The following UGT1A7 variants were observed in gnomAD, a reference collection of about 807,000 sequenced individuals.
UGT1A7 encodes the protein UDP-glucuronosyltransferase 1A7.
In UGT1A7, 33 loss-of-function variants were observed where a neutral mutation model predicts 45.6. That is an observed-to-expected ratio of 0.72 (90% CI 0.55 to 0.97). The LOEUF (loss-of-function observed/expected upper bound fraction) is 0.97, where lower values mean the gene tolerates loss of function less well. UGT1A7 is among the 50% of genes least tolerant of loss of function. UGT1A7 has a pLI of 0.00. For synonymous variants in UGT1A7, 274 were observed against 250.6 expected, an observed-to-expected ratio of 1.09 and a Z score of -0.88; for missense variants, 684 against 666.2, an observed-to-expected ratio of 1.03 and a Z score of -0.29.
chr2:233,743,059 A>T (rs1424842143), intron 1 of UGT1A7: 1 of 324,044 alleles, frequency 3.1e-6, no homozygotes, highest in Non-Finnish European at 6.0e-6. Context: ...CCCAACGATA[A>T]GAACAGGTGT....
intron 1 of UGT1A7, chr2:233,718,892 C>A (rs775726544): frequency 6.2e-7 from 1 of 1,613,902 alleles, no homozygotes; most frequent in African/African-American, 1.3e-5. Flanking sequence ...GTGTCCAGCC[C>A]TGGGCTGAGA....
At chr2:233,714,940 G>A (rs1254793883) in intron 1 of UGT1A7, among the ~76,000 whole-genome samples, 1 of 152,148 alleles carries the variant, frequency 6.6e-6, no homozygotes, top group Admixed American at 6.5e-5. Flanking sequence ...GCAGTGGTGG[G>A]ATCTTGGCTC....
chr2:233,750,847 G>C (rs534611009), intron 1 of UGT1A7: 1 of 152,014 alleles, frequency 6.6e-6, no homozygotes, highest in African/African-American at 2.4e-5. Flanking sequence ...GGAAATGCTT[G>C]GATGTCCAGG....
At chr2:233,722,242 C>G (rs1184629735) in intron 1 of UGT1A7, among the ~76,000 whole-genome samples, 1 of 152,204 alleles carries the variant, frequency 6.6e-6, no homozygotes, top group Non-Finnish European at 1.5e-5. Context: ...CATGTATTAT[C>G]TGTGACAGAC....
At chr2:233,721,350 A>C (rs2076940105) in intron 1 of UGT1A7, among the ~76,000 whole-genome samples, 1 of 152,142 alleles carries the variant, frequency 6.6e-6, no homozygotes, top group Non-Finnish European at 1.5e-5. Context: ...TATATTCTTT[A>C]GACTGAACTG....
chr2:233,727,417 C>T (rs2077614364), intron 1 of UGT1A7, among the ~76,000 whole-genome samples: 1 of 152,144 alleles, frequency 6.6e-6, no homozygotes, highest in Non-Finnish European at 1.5e-5. Flanking sequence ...TCCTCAGGGT[C>T]TGGGAGTCCC....
rs1377408060 is a variant in UGT1A7, at chr2:233,769,430, CTCA to C, written c.1295+993_1295+995del. Reference sequence around the variant, plus strand: ...GTGTGCGTTTGTGCATGTGGCTGTGCTCATGTGTGGGTGCACACGTGTGCATTC... The same window carrying C: ...GTGTGCGTTTGTGCATGTGGCTGTGCTGTGTGGGTGCACACGTGTGCATTC... On this transcript the variant is annotated intron_variant, in intron 4 of 4. Transcript: ENST00000373426. This position sits in a 1 kb window ranked among gnomAD's most constrained non-coding sequence, Gnocchi z 4.4. 42 of 1,537,292 alleles carry C rather than the reference CTCA, an allele frequency of 2.7e-5. No homozygotes were observed. The highest frequency in any genetic ancestry group is 3.7e-5 in the Non-Finnish European group (41 of 1,118,590).
rs866500462 is a variant in UGT1A7 at position 233,723,536 on chromosome 2, T to A, written c.855+40744T>A. On this transcript the variant is annotated intron_variant, in intron 1 of 4. Transcript: ENST00000373426. ...ACAATCTTTTTTTTTTTTTTTTTTTTAATTTATTTTTTTATTGATAATTCT... is the reference window on the plus strand; with the variant it reads ...ACAATCTTTTTTTTTTTTTTTTTTTAAATTTATTTTTTTATTGATAATTCT... Among the ~76,000 whole-genome samples the A allele has an allele frequency of 8.1e-4, 98 of 121,464 alleles. 4 individuals are homozygous for A. The highest frequency in any genetic ancestry group is 1.3e-3 in the African/African-American group (39 of 29,948). 79.7% of individuals were successfully genotyped at this position (121,464 alleles called of 152,430 possible). A position where few individuals can be genotyped will look rare whatever the true frequency, so the allele number is the denominator to read the frequency against.
intron 1 of UGT1A7, chr2:233,713,463 G>A (rs762349371): frequency 3.5e-5 from 56 of 1,613,940 alleles, no homozygotes; most frequent in Admixed American, 3.0e-4. Context: ...TCACCTCTGC[G>A]CGGCGGTGCT....
intron 1 of UGT1A7, chr2:233,722,033 A>G (rs915638296): frequency 4.1e-6 from 1 of 246,466 alleles, no homozygotes; most frequent in Non-Finnish European, 8.1e-6. Context: ...CTTGAATTGC[A>G]TGATTTTGTG....
chr2:233,755,236 G>C (rs1242283792), intron 1 of UGT1A7: 2 of 905,678 alleles, frequency 2.2e-6, no homozygotes, highest in Non-Finnish European at 3.3e-6. Flanking sequence ...GAGGCCTACC[G>C]GGGTACTCCC....
intron 1 of UGT1A7, chr2:233,754,360 T>C (rs1695458970): frequency 2.1e-5 from 6 of 282,296 alleles, no homozygotes; most frequent in South Asian, 1.9e-4. Flanking sequence ...CATACAGATA[T>C]TTACAATGAT....
At chr2:233,730,495 C>G (rs755045545) in intron 1 of UGT1A7, among the ~76,000 whole-genome samples, 1 of 152,092 alleles carries the variant, frequency 6.6e-6, no homozygotes, top group African/African-American at 2.4e-5. Context: ...ATAGAAGTGT[C>G]AGAGAGGTTG....
intron 1 of UGT1A7, chr2:233,690,434 GTC>G: frequency 2.4e-6 from 3 of 1,268,416 alleles, no homozygotes; most frequent in Non-Finnish European, 3.1e-6. Flanking sequence ...ACATCTTTGG[GTC>G]TCTCCTCTAT....
intron 1 of UGT1A7, among the ~76,000 whole-genome samples, chr2:233,732,961 T>G (rs2078342665): frequency 6.6e-6 from 1 of 152,188 alleles, no homozygotes; most frequent in Non-Finnish European, 1.5e-5. Context: ...GTTCTTCCAT[T>G]TGTTTGTGTC....
rs770037031 is a variant in UGT1A7 at position 233,718,834 on chromosome 2, T to C, written c.855+36042T>C. The C allele has an allele frequency of 1.2e-5, 20 of 1,613,482 alleles. No homozygotes were observed. The highest frequency in any genetic ancestry group is 4.0e-5 in the African/African-American group (3 of 74,922). ...GCTTCTGCTGAGATGGCCAGAGGAC[T>C]CCAGGTTCCCCTGCCGCGGCTGGCC... is the stretch of plus-strand genomic sequence containing the variant. On this transcript the variant is annotated intron_variant, in intron 1 of 4. Transcript: ENST00000373426.
chr2:233,711,509 G>T (rs868625477), intron 1 of UGT1A7, among the ~76,000 whole-genome samples: 1 of 152,158 alleles, frequency 6.6e-6, no homozygotes, highest in Non-Finnish European at 1.5e-5. Flanking sequence ...CCTTTCTAGC[G>T]CTCTGTGTCC....
intron 1 of UGT1A7, among the ~76,000 whole-genome samples, chr2:233,709,696 T>C (rs554703505): frequency 1.5e-4 from 23 of 152,216 alleles, no homozygotes; most frequent in Non-Finnish European, 2.6e-4. Flanking sequence ...TGGGAAAATT[T>C]TGTTCTTTTT....
intron 1 of UGT1A7, among the ~76,000 whole-genome samples, chr2:233,744,592 A>ATC (rs938838610): frequency 2.6e-5 from 4 of 151,912 alleles, no homozygotes; most frequent in East Asian, 1.9e-4. Context: ...CAGTTTTTGC[A>ATC]TCTCTCTTTA....
Sources: allele counts gnomAD v4.1 joint callset (sites outside exome capture counted in the v4.1 genomes callset), GRCh38; gene constraint gnomAD v4.1.1; non-coding constraint Gnocchi (gnomAD v3.1); transcripts MANE v1.5; gene names NCBI Gene and HGNC (gene_info 2026-07-23, HGNC 2026-07-21).